TTC17: variants seen among roughly 807,000 people sequenced by gnomAD.
TTC17 encodes the protein tetratricopeptide repeat domain 17.
In TTC17, 58 loss-of-function variants were observed where a neutral mutation model predicts 143.8. The observed-to-expected ratio is 0.40, with a 90% CI of 0.33 to 0.50. The LOEUF (loss-of-function observed/expected upper bound fraction) is 0.50. Ranked by LOEUF, TTC17 falls within the 20% of genes least tolerant of loss-of-function variation. The probability of loss-of-function intolerance (pLI) is 0.49; values close to 1 mark genes in which losing one functional copy is unlikely to be tolerated. For synonymous variants in TTC17, 501 were observed against 497.8 expected (o/e 1.01, Z -0.09); for missense variants, 1,273 against 1,392.5 (o/e 0.91, Z 1.37).
intron 2 of TTC17, among the ~76,000 whole-genome samples, chr11:43,388,350 A>G (rs1050078075): frequency 6.6e-6 from 1 of 152,144 alleles, no homozygotes; most frequent in Non-Finnish European, 1.5e-5. Context: ...CTTACAAAGC[A>G]ATGCTGTATT....
chr11:43,373,368 G>A (rs1007519656), intron 1 of TTC17, among the ~76,000 whole-genome samples: 3 of 147,168 alleles, frequency 2.0e-5, no homozygotes, highest in African/African-American at 7.6e-5. Context: ...CTGTCACCCA[G>A]GCTGGAGTGC....
rs1396651074 is a variant in TTC17 at position 43,407,447 on chromosome 11, C to G, written c.1934C>G (p.Ala645Gly). ...TTTGCTATTGCCTGTCTTCAGAGGG[C>G]TTTGAATTTAGCTCCACTTCAATAC... ...STFAIACLQR[A>G]LNLAPLQYQD... Residue 645 changes from alanine to glycine, a missense_variant, in exon 15 of 24, where the codon GCT (alanine) becomes GGT (glycine). Transcript: ENST00000039989. 1 of 1,614,014 alleles carries G rather than the reference C, an allele frequency of 6.2e-7. No homozygotes were observed. Among genetic ancestry groups the G allele is most frequent in the East Asian group, 2.2e-5 (1 of 44,862 alleles).
At chr11:43,359,405 T>G in intron 1 of TTC17, 2 of 377,114 alleles carry the variant, frequency 5.3e-6, no homozygotes, top group Non-Finnish European at 4.8e-6. Context: ...CTACGGACCT[T>G]TTTTTAGCTC....
At chr11:43,441,570 A>G (rs1260877118) in intron 16 of TTC17, among the ~76,000 whole-genome samples, 1 of 152,070 alleles carries the variant, frequency 6.6e-6, no homozygotes, top group East Asian at 1.9e-4. Context: ...GGCTGTCAAT[A>G]AAGTTTGGTT....
Position 43,451,355 on chromosome 11 carries a change from C to CTGTT in TTC17, c.3030+91_3030+94dup. On this transcript the variant is annotated intron_variant, in intron 21 of 23. Transcript: ENST00000039989. ...TGCTCCTAAGTGTCTGTAACCTCTT[C>CTGTT]TGTTAGTTACTTAGCACTTGGTGGC... The CTGTT allele has an allele frequency of 5.4e-6, 6 of 1,119,126 alleles. No homozygotes were observed. In the South Asian group the frequency reaches 8.1e-5, roughly 15 times the overall value. The allele number at this position is 1,119,126 out of a possible 1,614,324, so 69.3% of individuals were successfully genotyped here.
chr11:43,474,170 A>C (rs750198318), intron 21 of TTC17, among the ~76,000 whole-genome samples: 2 of 152,236 alleles, frequency 1.3e-5, no homozygotes, highest in Non-Finnish European at 2.9e-5. Flanking sequence ...GAACATCCAC[A>C]CAGTGGAGGC....
At chr11:43,409,895 G>A (rs1440636690) in intron 15 of TTC17, among the ~76,000 whole-genome samples, 1 of 148,704 alleles carries the variant, frequency 6.7e-6, no homozygotes, top group Non-Finnish European at 1.5e-5. Context: ...AGGCTGTAGT[G>A]CAGTGACATG....
chr11:43,414,485 T>A (rs2134622684), intron 15 of TTC17, 105 bp from the exon 16 acceptor site: 1 of 1,191,396 alleles, frequency 8.4e-7, no homozygotes, highest in South Asian at 1.5e-5. Flanking sequence ...CAATAACGTT[T>A]ATGGGGTAAC....
chr11:43,407,362 C>T lies in TTC17; in HGVS notation c.1849C>T (p.Pro617Ser), dbSNP rs139809583. The change falls in exon 15 of 24, where the codon CCT (proline) becomes TCT (serine). Residue 617 changes from proline to serine, a missense_variant. Pro to Ser is a moderately conservative substitution (Grantham distance 74). Coordinates refer to ENST00000039989, the MANE Select transcript of TTC17 (RefSeq NM_018259.6). The part of the protein sequence containing the change: ...LFHAINKPNA[P>S]IWLILNEAGL... ...TTTTTGGATTTTTCAGCCAAATGCTCCTATCTGGCTCATACTCAATGAAGC... is the reference window on the plus strand; with the variant it reads ...TTTTTGGATTTTTCAGCCAAATGCTTCTATCTGGCTCATACTCAATGAAGC... 21 of 1,613,218 alleles carry T rather than the reference C, an allele frequency of 1.3e-5. No individual in the cohort carries two copies. The highest frequency in any genetic ancestry group is 1.5e-5 in the Non-Finnish European group (18 of 1,179,708).
At chr11:43,377,711 T>C (rs1035319557) in intron 1 of TTC17, among the ~76,000 whole-genome samples, 7 of 152,196 alleles carry the variant, frequency 4.6e-5, no homozygotes, top group Admixed American at 3.9e-4. Context: ...TTCCTCACAA[T>C]TGAATGTTGA....
rs544053110 is a variant in TTC17 at position 43,473,068 on chromosome 11, G to T, written c.3031-17171G>T. Among the ~76,000 whole-genome samples, 14 of 151,856 alleles carry T rather than the reference G, an allele frequency of 9.2e-5. No homozygotes were observed. In the South Asian group the frequency reaches 2.9e-3, roughly 32 times the overall value. The stretch of plus-strand genomic sequence containing the variant: ...TGCGTGCCTGTAATCCCAGCTACTT[G>T]GGAGGCTGAGGCAGGAGAATTGCTT... On this transcript the variant is annotated intron_variant, in intron 21 of 23. Coordinates refer to ENST00000039989, the MANE Select transcript of TTC17 (RefSeq NM_018259.6).
intron 1 of TTC17, among the ~76,000 whole-genome samples, chr11:43,362,041 C>T (rs541088674): frequency 4.2e-5 from 6 of 142,904 alleles, no homozygotes; most frequent in Non-Finnish European, 6.0e-5. Flanking sequence ...AGTGCAATGG[C>T]GCTATCTTGG....
chr11:43,473,403 G>T (rs1948126899), intron 21 of TTC17, among the ~76,000 whole-genome samples: 1 of 152,182 alleles, frequency 6.6e-6, no homozygotes, highest in Admixed American at 6.5e-5. Context: ...ACAGAAAGGG[G>T]AGAGGAGATG....
intron 6 of TTC17, 57 bp from the exon 7 acceptor site, chr11:43,397,290 C>T (rs1459580817): frequency 1.9e-6 from 3 of 1,552,978 alleles, no homozygotes; most frequent in Admixed American, 1.7e-5. Context: ...CTTTGAATGT[C>T]ATTTTTCCTT....
At chr11:43,482,182 G>C (rs923027039) in intron 21 of TTC17, among the ~76,000 whole-genome samples, 17 of 150,746 alleles carry the variant, frequency 1.1e-4, no homozygotes, top group African/African-American at 4.1e-4. Flanking sequence ...ATTTATGTCT[G>C]CTCTTATCTT....
chr11:43,458,004 A>G (rs1435914978), intron 21 of TTC17, among the ~76,000 whole-genome samples: 1 of 152,174 alleles, frequency 6.6e-6, no homozygotes, highest in Admixed American at 6.5e-5. Flanking sequence ...ACATCTAGGA[A>G]AATTAAAAGC....
chr11:43,444,871 C>G (rs565491158), intron 18 of TTC17, among the ~76,000 whole-genome samples: 9 of 152,184 alleles, frequency 5.9e-5, no homozygotes, highest in African/African-American at 2.2e-4. Flanking sequence ...ATGTGTAACA[C>G]ACATTTTATT....
intron 7 of TTC17, 62 bp downstream of exon 7, chr11:43,397,553 T>TC (rs59435306): frequency 5.1e-4 from 706 of 1,392,810 alleles, no homozygotes; most frequent in Non-Finnish European, 6.5e-4. Context: ...TTTTTTTTTT[T>TC]CTCCCCCCTC....
intron 1 of TTC17, among the ~76,000 whole-genome samples, chr11:43,364,429 A>G (rs1380717374): frequency 6.6e-6 from 1 of 152,170 alleles, no homozygotes; most frequent in Non-Finnish European, 1.5e-5. Context: ...TCTGGGAGAG[A>G]GCATCCATAT....
Sources: allele counts gnomAD v4.1 joint callset (sites outside exome capture counted in the v4.1 genomes callset), GRCh38; gene constraint gnomAD v4.1.1; transcripts MANE v1.5; gene names NCBI Gene and HGNC (gene_info 2026-07-23, HGNC 2026-07-21).